The following ADCY2 variants were observed in gnomAD, a reference collection of about 807,000 sequenced individuals.
ADCY2 encodes the protein adenylate cyclase type 2.
A neutral mutation model predicts 125.2 loss-of-function variants in ADCY2; 31 were observed. The ratio of observed to expected loss-of-function variants is 0.25; its 90% CI spans 0.19 to 0.33. The LOEUF (loss-of-function observed/expected upper bound fraction) is 0.33. Among genes scored for constraint, ADCY2 ranks in the 10% least tolerant of loss-of-function variants. The pLI is 1.00. For missense variants in ADCY2, 904 were observed against 1,418.2 expected (o/e 0.64, Z 5.82); for synonymous variants, 512 against 548.4 (o/e 0.93, Z 0.93).
At chr5:7,477,565 T>C (rs1186979697) in intron 2 of ADCY2, among the ~76,000 whole-genome samples, 45 of 152,012 alleles carry the variant, frequency 3.0e-4, no homozygotes, top group Non-Finnish European at 5.9e-5. Flanking sequence ...TGCATACTTC[T>C]GTTTAGCACC....
intron 22 of ADCY2, among the ~76,000 whole-genome samples, chr5:7,810,789 C>G (rs996278000): frequency 2.0e-5 from 3 of 152,164 alleles, no homozygotes; most frequent in African/African-American, 7.2e-5. Flanking sequence ...ATAGTCCACA[C>G]CACTCCCTAT....
rs181056428 is a variant in ADCY2, at chr5:7,451,708, G to C, written c.408+36938G>C. ...CAAAGAAATGTTTTTTTGAAAGAAA[G>C]AGTACATGGATGTGGCAAACTTAAT... On this transcript the variant is annotated intron_variant, in intron 2 of 24. Coordinates refer to ENST00000338316, the MANE Select transcript of ADCY2 (RefSeq NM_020546.3). Among the ~76,000 whole-genome samples the C allele has an allele frequency of 4.7e-3, 711 of 152,228 alleles. 2 individuals are homozygous for C. Among genetic ancestry groups the C allele is most frequent in the Non-Finnish European group, 7.4e-3 (506 of 68,010 alleles).
chr5:7,465,851 G>C (rs1252890209), intron 2 of ADCY2, among the ~76,000 whole-genome samples: 1 of 152,180 alleles, frequency 6.6e-6, no homozygotes, highest in African/African-American at 2.4e-5. Flanking sequence ...TTTCATTGAA[G>C]AGGGGGTGTT....
At chr5:7,757,411 C>T in intron 15 of ADCY2, 38 bp from the exon 16 acceptor site, 1 of 1,603,302 alleles carries the variant, frequency 6.2e-7, no homozygotes, top group Non-Finnish European at 8.5e-7. Context: ...AAGTCATCAG[C>T]TAGCAATGCT....
chr5:7,430,555 G>T (rs550738673), intron 2 of ADCY2, among the ~76,000 whole-genome samples: 2 of 147,150 alleles, frequency 1.4e-5, no homozygotes, highest in African/African-American at 5.0e-5. Flanking sequence ...ATAGTATATT[G>T]ATATACTATA....
At chr5:7,672,102 G>T (rs548646069) in intron 4 of ADCY2, among the ~76,000 whole-genome samples, 1 of 152,170 alleles carries the variant, frequency 6.6e-6, no homozygotes, top group Non-Finnish European at 1.5e-5. Flanking sequence ...GACACAAGGA[G>T]GTGGTGGGGT....
intron 2 of ADCY2, among the ~76,000 whole-genome samples, chr5:7,471,573 T>C (rs153700): frequency 0.65 from 99,395 of 151,782 alleles, 32,753 homozygotes; most frequent in African/African-American, 0.71. Context: ...ATCTATAATA[T>C]GTGGCTATCT....
chr5:7,574,308 C>T (rs569867277), intron 3 of ADCY2, among the ~76,000 whole-genome samples: 8 of 151,144 alleles, frequency 5.3e-5, no homozygotes, highest in South Asian at 2.1e-4. Context: ...ATGGTATTTC[C>T]AGTTCTAGAT....
At chr5:7,763,050 T>C (rs11750179) in intron 16 of ADCY2, among the ~76,000 whole-genome samples, 1 of 131,202 alleles carries the variant, frequency 7.6e-6, no homozygotes, top group Admixed American at 8.7e-5. Flanking sequence ...TTCTTTGTTT[T>C]TTTTGTTTGT....
chr5:7,703,306 A>G lies in ADCY2; in HGVS notation c.1110-3438A>G, dbSNP rs560614097. Among the ~76,000 whole-genome samples, 1,030 of 152,296 alleles carry G rather than the reference A, an allele frequency of 6.8e-3. 17 individuals are homozygous for G. The highest frequency in any genetic ancestry group is 0.024 in the African/African-American group (983 of 41,564). On this transcript the variant is annotated intron_variant, in intron 7 of 24. Coordinates refer to ENST00000338316, the MANE Select transcript of ADCY2 (RefSeq NM_020546.3). ...AGACATGAAGTTCTTGCCCATGCCT[A>G]TGTCCTGAATGGTATTGCCTAGGTT...
intron 2 of ADCY2, among the ~76,000 whole-genome samples, chr5:7,495,730 T>C (rs1743324922): frequency 6.6e-6 from 1 of 152,210 alleles, no homozygotes; most frequent in Admixed American, 6.5e-5. Context: ...TGGAACGTTA[T>C]GCGAGTATGC....
chr5:7,411,850 C>T (rs1382904320), intron 1 of ADCY2, among the ~76,000 whole-genome samples: 2 of 151,856 alleles, frequency 1.3e-5, no homozygotes, highest in African/African-American at 4.8e-5. Context: ...CCGAGGCGGG[C>T]GGATCACGAG....
chr5:7,593,651 C>T (rs972902353), intron 3 of ADCY2, among the ~76,000 whole-genome samples: 1 of 152,118 alleles, frequency 6.6e-6, no homozygotes. Flanking sequence ...CAAACAGATA[C>T]ATATCCATTC....
chr5:7,542,650 G>A (rs997927628), intron 3 of ADCY2, among the ~76,000 whole-genome samples: 6 of 152,204 alleles, frequency 3.9e-5, no homozygotes, highest in Admixed American at 6.5e-5. Context: ...CCTGGCATTC[G>A]CCACGCAGCA....
chr5:7,603,144 C>T lies in ADCY2; in HGVS notation c.571-23023C>T, dbSNP rs1242783183. Reference sequence around the variant, plus strand: ...CTTTTTATTAGGACATTAAAAGCTACTTACCACAGAGGCCGTTCCTTCCTG... The same window carrying T: ...CTTTTTATTAGGACATTAAAAGCTATTTACCACAGAGGCCGTTCCTTCCTG... On this transcript the variant is annotated intron_variant, in intron 3 of 24. Transcript: ENST00000338316. Among the ~76,000 whole-genome samples the T allele has an allele frequency of 2.0e-5, 3 of 152,192 alleles. No individual in the cohort carries two copies. The East Asian group carries it at 5.8e-4, about 29-fold the overall frequency.
intron 1 of ADCY2, among the ~76,000 whole-genome samples, chr5:7,408,925 T>G (rs1160685073): frequency 1.3e-5 from 2 of 152,260 alleles, no homozygotes; most frequent in African/African-American, 2.4e-5. Flanking sequence ...AAGACACATT[T>G]ATGTGAATAT....
intron 3 of ADCY2, among the ~76,000 whole-genome samples, chr5:7,589,652 G>A (rs1736784510): frequency 6.6e-6 from 1 of 152,054 alleles, no homozygotes; most frequent in Admixed American, 6.6e-5. Flanking sequence ...ACTCTCTCTG[G>A]GCCCTAAATT....
intron 4 of ADCY2, among the ~76,000 whole-genome samples, chr5:7,665,527 C>G (rs760820231): frequency 3.3e-5 from 5 of 152,146 alleles, no homozygotes; most frequent in Non-Finnish European, 7.3e-5. Flanking sequence ...GTGACTCCCC[C>G]CTTTGCAGGT....
intron 3 of ADCY2, among the ~76,000 whole-genome samples, chr5:7,564,129 C>G (rs1735814138): frequency 6.6e-6 from 1 of 152,130 alleles, no homozygotes; most frequent in Non-Finnish European, 1.5e-5. Context: ...CTTCTTTTCT[C>G]CCCTTGAACA....
Sources: gnomAD v4.1 joint callset for allele counts (sites outside exome capture counted in the v4.1 genomes callset) on GRCh38, gnomAD v4.1.1 for gene constraint, MANE v1.5 for transcripts, NCBI Gene and HGNC (gene_info 2026-07-23, HGNC 2026-07-21) for gene names.